Variants in RPS6KC1 observed in about 807,000 individuals in gnomAD.
The protein encoded by RPS6KC1 is ribosomal protein S6 kinase C1.
A neutral mutation model predicts 103.8 loss-of-function variants in RPS6KC1; 54 were observed. The ratio of observed to expected loss-of-function variants is 0.52; its 90% confidence interval spans 0.42 to 0.65. The LOEUF (loss-of-function observed/expected upper bound fraction) is 0.65, where lower values mean the gene tolerates loss of function less well. Among genes scored for constraint, RPS6KC1 ranks in the 30% least tolerant of loss-of-function variants. The pLI is 0.00. For missense variants in RPS6KC1, 1,151 were observed against 1,253.8 expected, an observed-to-expected ratio of 0.92 and a Z score of 1.24; for synonymous variants, 439 against 438.7, an observed-to-expected ratio of 1.00 and a Z score of -0.01.
chr1:213,667,933 C>A, the RPS6KC1 span, among the ~76,000 whole-genome samples: 2 of 152,206 alleles, frequency 1.3e-5, no homozygotes, highest in Non-Finnish European at 2.9e-5. Context: ...CACAAGATTG[C>A]AGCAATTCAG....
At chr1:213,708,030 T>A in the RPS6KC1 span, among the ~76,000 whole-genome samples, 6 of 152,226 alleles carry the variant, frequency 3.9e-5, no homozygotes, top group Non-Finnish European at 8.8e-5. Context: ...TACTGGCTCT[T>A]TTTTGGTTCC....
chr1:213,481,958 C>T, the RPS6KC1 span, among the ~76,000 whole-genome samples: 12 of 152,144 alleles, frequency 7.9e-5, 1 homozygote, highest in East Asian at 1.4e-3. Context: ...AGTGAGTTAT[C>T]GTGAGATCTG....
intron 14 of RPS6KC1, among the ~76,000 whole-genome samples, chr1:213,265,871 C>T (rs1053632682): frequency 6.6e-6 from 1 of 152,182 alleles, no homozygotes; most frequent in African/African-American, 2.4e-5. Context: ...GTTGTTAAGA[C>T]ATGGATTCTG....
chr1:213,312,174 G>A, the RPS6KC1 span, among the ~76,000 whole-genome samples: 139 of 152,172 alleles, frequency 9.1e-4, 3 homozygotes, highest in Middle Eastern at 0.017. Flanking sequence ...GGGATTACAG[G>A]AGTGAGCCAC....
the RPS6KC1 span, among the ~76,000 whole-genome samples, chr1:213,357,850 G>T: frequency 6.6e-6 from 1 of 152,196 alleles, no homozygotes; most frequent in African/African-American, 2.4e-5. Context: ...GCTCTTGTGT[G>T]GCGGGACCCT....
At chr1:213,360,696 C>T in the RPS6KC1 span, among the ~76,000 whole-genome samples, 1 of 152,086 alleles carries the variant, frequency 6.6e-6, no homozygotes, top group Non-Finnish European at 1.5e-5. Context: ...GTTTTATCTA[C>T]CTTTGGTCTT....
the RPS6KC1 span, among the ~76,000 whole-genome samples, chr1:213,822,685 C>T: frequency 6.6e-6 from 1 of 152,216 alleles, no homozygotes; most frequent in African/African-American, 2.4e-5. Context: ...CACAACCCCA[C>T]TCCTCTGGTT....
At chr1:213,441,951 T>C in the RPS6KC1 span, among the ~76,000 whole-genome samples, 2 of 152,246 alleles carry the variant, frequency 1.3e-5, no homozygotes, top group African/African-American at 4.8e-5. Flanking sequence ...CTTTACTTTG[T>C]ACCCATAAAT....
At chr1:213,284,733 T>TA in the RPS6KC1 span, among the ~76,000 whole-genome samples, 7 of 151,522 alleles carry the variant, frequency 4.6e-5, no homozygotes, top group Admixed American at 3.3e-4. Context: ...TTCTGAAATT[T>TA]AAAAAAAAGC....
rs1191370325 is a variant in RPS6KC1, at chr1:213,216,992, G to A, written c.1045-13505G>A. Among the ~76,000 whole-genome samples, 3 of 151,046 alleles carry A rather than the reference G, an allele frequency of 2.0e-5. No individual in the cohort carries two copies. In the East Asian group the frequency reaches 5.8e-4, roughly 29 times the overall value. On this transcript the variant is annotated intron_variant, in intron 8 of 14. Coordinates refer to ENST00000366960, the MANE Select transcript of RPS6KC1 (RefSeq NM_012424.6). The stretch of plus-strand genomic sequence containing the variant: ...GAAGCAAGAGCAAACACATTCAAAA[G>A]CTAGCAGAAGGCAAGAAATAACTAA...
chr1:213,796,274 G>A, the RPS6KC1 span, among the ~76,000 whole-genome samples: 50 of 152,218 alleles, frequency 3.3e-4, no homozygotes, highest in Non-Finnish European at 1.9e-4. Flanking sequence ...ACGGTGACTC[G>A]CTAACTTTCC....
chr1:213,220,931 G>A (rs1022588822), intron 8 of RPS6KC1, among the ~76,000 whole-genome samples: 3 of 152,080 alleles, frequency 2.0e-5, no homozygotes, highest in African/African-American at 7.2e-5. Flanking sequence ...TATGGCATCA[G>A]GTTTTTAAAG....
chr1:213,860,598 G>T, the RPS6KC1 span, among the ~76,000 whole-genome samples: 1 of 152,060 alleles, frequency 6.6e-6, no homozygotes, highest in African/African-American at 2.4e-5. Context: ...TAGGAATTCT[G>T]CATGCAGAGA....
chr1:213,546,089 C>G, the RPS6KC1 span, among the ~76,000 whole-genome samples: 2 of 152,080 alleles, frequency 1.3e-5, no homozygotes, highest in Admixed American at 1.3e-4. Flanking sequence ...AGAAATGGGT[C>G]GAATGTTCCT....
chr1:213,450,386 G>A, the RPS6KC1 span, among the ~76,000 whole-genome samples: 2 of 145,974 alleles, frequency 1.4e-5, no homozygotes, highest in African/African-American at 5.1e-5. Context: ...TAATTTACCC[G>A]CAAATTAGCA....
chr1:213,627,897 A>G, the RPS6KC1 span, among the ~76,000 whole-genome samples: 11 of 151,978 alleles, frequency 7.2e-5, no homozygotes, highest in African/African-American at 2.7e-4. Context: ...TTTTTGTTGC[A>G]TCTCTGCCAG....
At chr1:213,069,021 G>A (rs116553588) in intron 1 of RPS6KC1, among the ~76,000 whole-genome samples, 1,874 of 151,842 alleles carry the variant, frequency 0.012, 27 homozygotes, top group African/African-American at 0.039. Context: ...TCATGCCATG[G>A]CACTCTAGCC....
the RPS6KC1 span, among the ~76,000 whole-genome samples, chr1:213,356,706 T>C: frequency 6.6e-6 from 1 of 152,148 alleles, no homozygotes; most frequent in Non-Finnish European, 1.5e-5. Flanking sequence ...GTCATAGACA[T>C]GTCTGCTTCT....
chr1:213,745,227 G>GTT, the RPS6KC1 span, among the ~76,000 whole-genome samples: 63 of 147,742 alleles, frequency 4.3e-4, no homozygotes, highest in East Asian at 1.2e-3. Context: ...GGAAGCTAGG[G>GTT]TTTTTTTTTT....
Sources: allele counts gnomAD v4.1 joint callset (sites outside exome capture counted in the v4.1 genomes callset), GRCh38; gene constraint gnomAD v4.1.1; transcripts MANE v1.5; gene names NCBI Gene and HGNC (gene_info 2026-07-23, HGNC 2026-07-21).